ARHGAP27: variants seen among roughly 807,000 people sequenced by gnomAD.
ARHGAP27 encodes the protein Rho GTPase activating protein 27.
Under a neutral mutation model 102.0 loss-of-function variants are expected in ARHGAP27, and 53 were observed. The ratio of observed to expected loss-of-function variants is 0.52; its 90% CI spans 0.42 to 0.65. ARHGAP27 has a LOEUF of 0.65. Ranked by LOEUF, ARHGAP27 falls within the 30% of genes least tolerant of loss-of-function variation. ARHGAP27 has a pLI of 0.00. For synonymous variants in ARHGAP27, 525 were observed against 542.8 expected, an observed-to-expected ratio of 0.97 and a Z score of 0.46; for missense variants, 1,117 against 1,256.2, an observed-to-expected ratio of 0.89 and a Z score of 1.68.
At chr17:45,410,490 G>A in intron 4 of ARHGAP27, 2 of 1,253,624 alleles carry the variant, frequency 1.6e-6, no homozygotes, top group Non-Finnish European at 2.1e-6. Context: ...GGGGCCTCAG[G>A]TTGAGGGTAT....
chr17:45,410,894 C>T (rs1433257535), intron 4 of ARHGAP27, among the ~76,000 whole-genome samples: 1 of 152,082 alleles, frequency 6.6e-6, no homozygotes, highest in East Asian at 1.9e-4. Context: ...AGGGAGCTGG[C>T]ATCTGGACTG....
Position 45,397,019 on chromosome 17 carries a change from T to TCCTCTGGGG in ARHGAP27, c.1847_1848insCCCCAGAGG (p.Ala616_Glu617insProArgGly). The TCCTCTGGGG allele has an allele frequency of 6.2e-7, 1 of 1,603,048 alleles. No homozygotes were observed. The highest frequency in any genetic ancestry group is 1.7e-5 in the Admixed American group (1 of 60,018). On this transcript the variant is annotated inframe_insertion, in exon 14 of 20. Coordinates refer to ENST00000685559, the MANE Select transcript of ARHGAP27 (RefSeq NM_001282290.2). ...TCTCGCTCTCCTCTGGGGGCAGCTCTGCGGACTGGATTCCCATAGCCTCAG... is the reference window on the plus strand; with the variant it reads ...TCTCGCTCTCCTCTGGGGGCAGCTCTCCTCTGGGGGCGGACTGGATTCCCATAGCCTCAG...
intron 4 of ARHGAP27, chr17:45,409,130 T>C (rs539691340): frequency 6.6e-6 from 1 of 152,300 alleles, no homozygotes; most frequent in African/African-American, 2.4e-5. Flanking sequence ...GAGGGCAGGA[T>C]GGAAGCAGCG....
Position 45,405,101 on chromosome 17 carries a change from G to C in ARHGAP27, c.1071C>G (p.Pro357=), listed in dbSNP as rs768750122. The change falls in exon 6 of 20, where the codon CCC becomes CCG. Residue 357 remains proline, a synonymous_variant. Coordinates refer to ENST00000685559, the MANE Select transcript of ARHGAP27 (RefSeq NM_001282290.2). ...SPGSPGDPRP[P]TPETDYPESL... is the part of the protein sequence containing the mutation. ...ACTCGGGGTAGTCCGTCTCGGGAGT[G>C]GGGGGCTGCGGGGAACAGAAGGTGG... 14 of 1,572,082 alleles carry C rather than the reference G, an allele frequency of 8.9e-6. No individual in the cohort carries two copies. Among genetic ancestry groups the C allele is most frequent in the South Asian group, 7.2e-5 (6 of 83,534 alleles).
At chr17:45,406,202 AC>A in intron 4 of ARHGAP27, 119 bp from the exon 5 acceptor site, 1 of 1,217,394 alleles carries the variant, frequency 8.2e-7, no homozygotes. Flanking sequence ...TTTTCTTTAA[AC>A]TTTTCTGCAG....
Position 45,427,722 on chromosome 17 carries a change from C to T in ARHGAP27, c.657+1901G>A, listed in dbSNP as rs372588734. On this transcript the variant is annotated intron_variant, in intron 4 of 19. Transcript: ENST00000685559. The surrounding 1 kb of genome is among the most constrained non-coding windows in gnomAD (Gnocchi z 4.5). ...AAACAGGACCAGAGATGCAAAGCGACTTGTGGAGGTCACAAGTGGGGCCAG... is the reference window on the plus strand; with the variant it reads ...AAACAGGACCAGAGATGCAAAGCGATTTGTGGAGGTCACAAGTGGGGCCAG... Among the ~76,000 whole-genome samples the T allele has an allele frequency of 1.2e-3, 189 of 152,324 alleles. No homozygotes were observed. Among genetic ancestry groups the T allele is most frequent in the African/African-American group, 4.4e-3 (184 of 41,568 alleles).
rs867274046 is a variant in ARHGAP27, at chr17:45,432,819, G to A, written c.-352C>T. On this transcript the variant is annotated 5_prime_UTR_variant, in exon 1 of 20. Coordinates refer to ENST00000685559, the MANE Select transcript of ARHGAP27 (RefSeq NM_001282290.2). The stretch of plus-strand genomic sequence containing the variant: ...CAGGCGCGCGTGGGCTCGGCGTCCC[G>A]CGCTCCCTCCTCGACTGTGCGGCTC... 2.5e-3 allele frequency: 379 copies of A among 152,810 alleles called. 2 individuals are homozygous for A. Among genetic ancestry groups the A allele is most frequent in the Non-Finnish European group, 3.8e-3 (257 of 68,124 alleles). 9.5% of individuals were successfully genotyped at this position (152,810 alleles called of 1,614,324 possible).
Position 45,396,570 on chromosome 17 carries a change from C to T in ARHGAP27, c.2090G>A (p.Cys697Tyr). 1.2e-6 allele frequency: 2 copies of T among 1,605,170 alleles called. No individual in the cohort carries two copies. Among genetic ancestry groups the T allele is most frequent in the South Asian group, 1.1e-5 (1 of 90,656 alleles). The change falls in exon 16 of 20, where the codon TGC (cysteine) becomes TAC (tyrosine). Residue 697 changes from cysteine to tyrosine, a missense_variant. Physicochemically the swap from Cys to Tyr is radical, Grantham distance 194 (BLOSUM62 -2). This residue lies in a region of ARHGAP27 where 493 missense variants were observed against 505.5 expected (regional missense o/e 0.98). Transcript: ENST00000685559. ...KGYIKDQVFG[C>Y]ALAALCERER... ...GCGCTCACACAGCGCGGCCAGCGCG[C>T]AGCCGAACACCTGGTCTAGGGCAGA... is the stretch of plus-strand genomic sequence containing the variant.
Position 45,410,318 on chromosome 17 carries a change from C to A in ARHGAP27, c.658-4235G>T, listed in dbSNP as rs558198957. On this transcript the variant is annotated intron_variant, in intron 4 of 19. Coordinates refer to ENST00000685559, the MANE Select transcript of ARHGAP27 (RefSeq NM_001282290.2). ...GCCCCTCTGAACTGCCGGGACAGAG[C>A]CCTGGGAAGGTTTTGGGGGTAGAGC... The A allele has an allele frequency of 2.8e-4, 421 of 1,493,322 alleles. 2 individuals are homozygous for A. The African/African-American group carries it at 5.3e-3, about 19-fold the overall frequency. The allele number at this position is 1,493,322 out of a possible 1,614,324, so 92.5% of individuals were successfully genotyped here. A position where few individuals can be genotyped will look rare whatever the true frequency, so the allele number is the denominator to read the frequency against.
chr17:45,412,428 C>T (rs1050594607), intron 4 of ARHGAP27, among the ~76,000 whole-genome samples: 1 of 152,236 alleles, frequency 6.6e-6, no homozygotes. Context: ...CCCTCCCAAA[C>T]CCTCATAGGA....
Position 45,404,983 on chromosome 17 carries a change from A to C in ARHGAP27, c.1189T>G (p.Ser397Ala), listed in dbSNP as rs919992321. 6.2e-7 allele frequency: 1 copy of C among 1,613,934 alleles called. No homozygotes were observed. The highest frequency in any genetic ancestry group is 8.5e-7 in the Non-Finnish European group (1 of 1,179,996). Reference protein sequence around the residue: ...TSPLTTPPGWSCHVSQDKQML... With the variant: ...TSPLTTPPGWACHVSQDKQML... ...TGCTTGTCCTGGCTGACATGACAAG[A>C]CCAGCCGGGGGGTGTGGTCAAGGGA... The change falls in exon 6 of 20, where the codon TCT (serine) becomes GCT (alanine). Residue 397 changes from serine (S) to alanine (A), a missense_variant. Ser to Ala is a moderately conservative substitution (Grantham distance 99). Around this residue, in one of 3 missense-constraint regions of ARHGAP27, gnomAD observed 610 missense variants for 716.4 expected, o/e 0.85. Coordinates refer to ENST00000685559, the MANE Select transcript of ARHGAP27 (RefSeq NM_001282290.2).
chr17:45,405,639 C>G (rs750632825), intron 5 of ARHGAP27, 37 bp downstream of exon 5: 2 of 1,541,340 alleles, frequency 1.3e-6, no homozygotes, highest in South Asian at 2.5e-5. Flanking sequence ...CAGAGGCGCT[C>G]AGAGGTAGAA....
At chr17:45,416,256 G>A (rs568054651) in intron 4 of ARHGAP27, among the ~76,000 whole-genome samples, 2 of 151,186 alleles carry the variant, frequency 1.3e-5, no homozygotes, top group Admixed American at 6.6e-5. Flanking sequence ...GGGTTTCACC[G>A]TGTTAGCCAG....
At chr17:45,409,516 G>C (rs887368722) in intron 4 of ARHGAP27, 1 of 152,380 alleles carries the variant, frequency 6.6e-6, no homozygotes, top group African/African-American at 2.4e-5. Flanking sequence ...GACACAGGCT[G>C]CTTCTGGAGG....
At chr17:45,395,954 C>T (rs1226601642) in intron 18 of ARHGAP27, 29 bp downstream of exon 18, 2 of 1,594,838 alleles carry the variant, frequency 1.3e-6, no homozygotes, top group South Asian at 1.1e-5. Flanking sequence ...GCCCCTACCC[C>T]ATCCGCCCCA....
intron 8 of ARHGAP27, 37 bp from the exon 9 acceptor site, chr17:45,404,371 C>T (rs2046864410): frequency 8.7e-6 from 14 of 1,613,642 alleles, no homozygotes; most frequent in Non-Finnish European, 1.2e-5. Context: ...CCAAGTCCCT[C>T]CTCCCAGGAA....
At chr17:45,406,146 C>T in intron 4 of ARHGAP27, 63 bp from the exon 5 acceptor site, 2 of 1,423,866 alleles carry the variant, frequency 1.4e-6, no homozygotes, top group Admixed American at 2.8e-5. Context: ...TAACAGAGGT[C>T]CCCTCTGGGC....
At chr17:45,406,170 G>A in intron 4 of ARHGAP27, 87 bp from the exon 5 acceptor site, 1 of 1,355,836 alleles carries the variant, frequency 7.4e-7, no homozygotes, top group Non-Finnish European at 9.7e-7. Flanking sequence ...GCGATTATAG[G>A]GGTTTATTTG....
chr17:45,424,973 G>A (rs2049418856), intron 4 of ARHGAP27, among the ~76,000 whole-genome samples: 1 of 147,984 alleles, frequency 6.8e-6, no homozygotes, highest in Non-Finnish European at 1.5e-5. Flanking sequence ...AGGCTCCAGC[G>A]AGACCTGAAG....
Sources: gnomAD v4.1 joint callset for allele counts (sites outside exome capture counted in the v4.1 genomes callset) on GRCh38, gnomAD v4.1.1 for gene constraint, gnomAD v4.1.1 regional missense constraint, Gnocchi (gnomAD v3.1) non-coding constraint, MANE v1.5 for transcripts, NCBI Gene and HGNC (gene_info 2026-07-23, HGNC 2026-07-21) for gene names.